CPS1: variants seen among roughly 807,000 people sequenced by gnomAD.
CPS1 encodes the protein carbamoyl-phosphate synthase [ammonia], mitochondrial.
CPS1 carries 109 observed loss-of-function variants against 174.6 expected under a neutral mutation model. The observed-to-expected ratio is 0.62, with a 90% CI of 0.53 to 0.73. CPS1 has a LOEUF of 0.73. Among genes scored for constraint, CPS1 ranks in the 30% least tolerant of loss-of-function variants. The pLI, the probability that CPS1 is intolerant of heterozygous loss-of-function variation, is 0.00. For synonymous variants in CPS1, 637 were observed against 632.0 expected, an observed-to-expected ratio of 1.01 and a Z score of -0.12; for missense variants, 1,689 against 1,821.9, an observed-to-expected ratio of 0.93 and a Z score of 1.33.
At chr2:210,591,094 C>T (rs1227917263) in intron 9 of CPS1, among the ~76,000 whole-genome samples, 188 bp downstream of exon 9, 1 of 150,062 alleles carries the variant, frequency 6.7e-6, no homozygotes, top group Non-Finnish European at 1.5e-5. Flanking sequence ...AATAAATAAC[C>T]ATACCTTACG....
At position 210,506,473 on chromosome 2, in the gene CPS1, C is replaced by T. The variant is rs527528396; in HGVS notation, c.3+28707C>T. ...AAAACTGAAAATTCTAAAATCAGAG[C>T]GCCTCTTCTACTCTACTCCAAAGGA... On this transcript the variant is annotated intron_variant, in intron 1 of 38. Coordinates refer to the CPS1 transcript ENST00000430249. Among the ~76,000 whole-genome samples, 20 of 152,224 alleles carry T rather than the reference C, an allele frequency of 1.3e-4. No homozygotes were observed. In the South Asian group the frequency reaches 3.1e-3, roughly 24 times the overall value.
chr2:210,618,574 A>G (rs961973055), intron 21 of CPS1: 4 of 152,094 alleles, frequency 2.6e-5, no homozygotes, highest in African/African-American at 9.7e-5. Context: ...TAGCAATTTG[A>G]TAATGATTGT....
intron 21 of CPS1, among the ~76,000 whole-genome samples, chr2:210,616,937 TCC>T (rs1025021248): frequency 5.3e-5 from 8 of 152,014 alleles, no homozygotes; most frequent in Non-Finnish European, 8.8e-5. Context: ...AAGTCTGTTT[TCC>T]CCTTTTAATA....
Position 210,580,284 on chromosome 2 carries a change from TA to T in CPS1, c.528+515del, listed in dbSNP as rs1277187646. Reference sequence around the variant, plus strand: ...TAAGCCTTGCATGCATTACTTCAATTATATAGTCTTTGTTGAGACCATATCA... The same window carrying T: ...TAAGCCTTGCATGCATTACTTCAATTTATAGTCTTTGTTGAGACCATATCA... On this transcript the variant is annotated intron_variant, in intron 5 of 37. Transcript: ENST00000233072. Among the ~76,000 whole-genome samples the T allele has an allele frequency of 3.9e-5, 6 of 152,262 alleles. No homozygotes were observed. The East Asian group carries it at 1.2e-3, about 30-fold the overall frequency.
At chr2:210,594,648 G>T (rs1187201940) in intron 12 of CPS1, 42 bp downstream of exon 12, 3 of 1,401,588 alleles carry the variant, frequency 2.1e-6, no homozygotes, top group Non-Finnish European at 2.0e-6. Context: ...ATTTTGGATT[G>T]TCCCTATCAC....
At chr2:210,506,013 C>T (rs1051763096) in intron 1 of CPS1, among the ~76,000 whole-genome samples, 1 of 152,134 alleles carries the variant, frequency 6.6e-6, no homozygotes, top group African/African-American at 2.4e-5. Context: ...TTAAATGTCC[C>T]TGTCTGACAG....
chr2:210,503,152 C>G (rs1234400761), intron 1 of CPS1, among the ~76,000 whole-genome samples: 1 of 152,136 alleles, frequency 6.6e-6, no homozygotes, highest in Non-Finnish European at 1.5e-5. Context: ...TCTAGAGATT[C>G]CACTGGTAAC....
chr2:210,554,269 A>G (rs557911709), upstream of CPS1, among the ~76,000 whole-genome samples: 51 of 148,918 alleles, frequency 3.4e-4, no homozygotes, highest in Admixed American at 9.5e-4. Context: ...ATATATATGT[A>G]TGTATATATA....
rs940366242 is a variant in CPS1, at chr2:210,627,364, C to A, written c.2688-10338C>A. ...CAATATATGTCTATAGGTATCTTTTCTTTAAAGTACAAATACCTTGCCTTC... is the reference window on the plus strand; with the variant it reads ...CAATATATGTCTATAGGTATCTTTTATTTAAAGTACAAATACCTTGCCTTC... On this transcript the variant is annotated intron_variant, in intron 21 of 37. Coordinates refer to ENST00000233072, the MANE Select transcript of CPS1 (RefSeq NM_001875.5). 1.2e-4 allele frequency among the ~76,000 whole-genome samples: 18 copies of A among 152,164 alleles called. No individual in the cohort carries two copies. In the South Asian group the frequency reaches 3.7e-3, roughly 32 times the overall value.
intron 1 of CPS1, among the ~76,000 whole-genome samples, chr2:210,569,947 C>A (rs1018879844): frequency 6.6e-6 from 1 of 151,916 alleles, no homozygotes; most frequent in African/African-American, 2.4e-5. Context: ...TCAACGAGGA[C>A]TGAGGATACT....
chr2:210,569,154 T>C (rs1468329418), intron 1 of CPS1, among the ~76,000 whole-genome samples: 3 of 152,078 alleles, frequency 2.0e-5, no homozygotes, highest in African/African-American at 7.2e-5. Context: ...GCAGACCCAA[T>C]ACTCTGCCTG....
intron 21 of CPS1, among the ~76,000 whole-genome samples, chr2:210,629,996 C>T (rs1046943590): frequency 1.3e-5 from 2 of 151,368 alleles, no homozygotes; most frequent in Non-Finnish European, 2.9e-5. Flanking sequence ...TGGTGTGAAC[C>T]TGGGAGGCGG....
chr2:210,546,134 C>G (rs1696558698), intron 1 of CPS1, among the ~76,000 whole-genome samples: 1 of 152,052 alleles, frequency 6.6e-6, no homozygotes, highest in Non-Finnish European at 1.5e-5. Flanking sequence ...TTTTGAGGGA[C>G]AAGTCTGTGT....
intron 1 of CPS1, among the ~76,000 whole-genome samples, chr2:210,568,913 A>T (rs1316785968): frequency 6.6e-6 from 1 of 152,124 alleles, no homozygotes; most frequent in African/African-American, 2.4e-5. Context: ...TTTCAGAATT[A>T]AAAGAAATAA....
intron 1 of CPS1, among the ~76,000 whole-genome samples, chr2:210,571,449 A>G (rs1697480492): frequency 6.6e-6 from 1 of 151,954 alleles, no homozygotes; most frequent in Admixed American, 6.6e-5. Flanking sequence ...AAATTCACAT[A>G]TCGTACCTCT....
intron 5 of CPS1, among the ~76,000 whole-genome samples, chr2:210,582,285 A>G (rs1245423849): frequency 6.6e-6 from 1 of 152,058 alleles, no homozygotes; most frequent in Non-Finnish European, 1.5e-5. Context: ...TTTAGGTCAT[A>G]TACGCTGAGT....
intron 13 of CPS1, 50 bp from the exon 14 acceptor site, chr2:210,599,322 C>T (rs1553512201): frequency 1.3e-6 from 2 of 1,553,638 alleles, no homozygotes; most frequent in South Asian, 2.2e-5. Context: ...TGTGGTCATT[C>T]TCTTCTTTAG....
At position 210,660,453 on chromosome 2, in the gene CPS1, C is replaced by T. The variant is rs764635287; in HGVS notation, c.3757-32C>T. The T allele has an allele frequency of 4.4e-6, 7 of 1,604,898 alleles. No homozygotes were observed. The South Asian group carries it at 7.7e-5, about 18-fold the overall frequency. ...TATTGTTGTTACTGGCTCTCAATGT[C>T]CTCTTTCTCATTTTGAATTTTATCT... On this transcript the variant is annotated intron_variant, in intron 31 of 37. Transcript: ENST00000233072.
At chr2:210,639,914 C>T in intron 23 of CPS1, 82 bp from the exon 24 acceptor site, 1 of 980,178 alleles carries the variant, frequency 1.0e-6, no homozygotes, top group East Asian at 2.4e-5. Context: ...GAAATACATA[C>T]TTAATGATAG....
Sources: gnomAD v4.1 joint callset for allele counts (sites outside exome capture counted in the v4.1 genomes callset) on GRCh38, gnomAD v4.1.1 for gene constraint, MANE v1.5 for transcripts, NCBI Gene and HGNC (gene_info 2026-07-23, HGNC 2026-07-21) for gene names.